Variants in DDX10 observed in about 807,000 individuals in gnomAD.
The protein encoded by DDX10 is DEAD-box helicase 10.
Under a neutral mutation model 104.3 loss-of-function variants are expected in DDX10, and 74 were observed. That is an observed-to-expected ratio of 0.71 (90% CI 0.59 to 0.86). The LOEUF is 0.86. Among genes scored for constraint, DDX10 ranks in the 40% least tolerant of loss-of-function variants. The pLI is 0.00. For missense variants in DDX10, 952 were observed against 1,040.0 expected, an observed-to-expected ratio of 0.92 and a Z score of 1.16; for synonymous variants, 351 against 353.4, an observed-to-expected ratio of 0.99 and a Z score of 0.08.
chr11:108,754,698 G>C (rs975665886), intron 13 of DDX10, among the ~76,000 whole-genome samples: 3 of 151,948 alleles, frequency 2.0e-5, no homozygotes, highest in African/African-American at 7.2e-5. Context: ...TGTACATCTA[G>C]AATCTATGGG....
At chr11:108,933,930 G>T (rs1163652896) in intron 17 of DDX10, among the ~76,000 whole-genome samples, 12 of 152,196 alleles carry the variant, frequency 7.9e-5, no homozygotes, top group Admixed American at 3.9e-4. Flanking sequence ...AAGCCCTTGG[G>T]TACCAAGGCA....
intron 16 of DDX10, among the ~76,000 whole-genome samples, chr11:108,868,549 G>A (rs929702430): frequency 6.6e-6 from 1 of 151,970 alleles, no homozygotes; most frequent in African/African-American, 2.4e-5. Flanking sequence ...TAAAATGATG[G>A]TCACAATCCA....
At chr11:108,719,681 A>AT (rs2094295858) in intron 11 of DDX10, 116 bp from the exon 12 acceptor site, 3 of 601,562 alleles carry the variant, frequency 5.0e-6, no homozygotes, top group African/African-American at 3.8e-5. Flanking sequence ...ATACTGAACT[A>AT]TTTCGTGGTT....
At chr11:108,794,832 CTT>C (rs969705921) in intron 13 of DDX10, among the ~76,000 whole-genome samples, 8 of 144,852 alleles carry the variant, frequency 5.5e-5, no homozygotes, top group Non-Finnish European at 7.6e-5. Flanking sequence ...CTCTCTCTCT[CTT>C]TTTTTTTTTT....
intron 13 of DDX10, among the ~76,000 whole-genome samples, chr11:108,754,709 T>C (rs920901845): frequency 2.6e-5 from 4 of 151,868 alleles, no homozygotes; most frequent in African/African-American, 9.7e-5. Context: ...AATCTATGGG[T>C]GATAGAAGGA....
At chr11:108,872,827 C>A (rs1019940549) in intron 16 of DDX10, among the ~76,000 whole-genome samples, 4 of 150,276 alleles carry the variant, frequency 2.7e-5, no homozygotes, top group Non-Finnish European at 5.9e-5. Context: ...CGTTCCCCCC[C>A]CCTCCCATTT....
intron 16 of DDX10, among the ~76,000 whole-genome samples, chr11:108,915,674 C>T (rs1191534160): frequency 6.6e-6 from 1 of 152,044 alleles, no homozygotes; most frequent in African/African-American, 2.4e-5. Flanking sequence ...TAACAAATTT[C>T]AAAAAGTTCA....
chr11:108,910,505 G>A (rs909712332), intron 16 of DDX10, among the ~76,000 whole-genome samples: 2 of 152,124 alleles, frequency 1.3e-5, no homozygotes, highest in Admixed American at 6.5e-5. Flanking sequence ...TAACCAGTCA[G>A]GTAACATTTC....
intron 11 of DDX10, among the ~76,000 whole-genome samples, chr11:108,717,776 C>T (rs1388170959): frequency 1.3e-5 from 2 of 152,178 alleles, no homozygotes; most frequent in African/African-American, 4.8e-5. Context: ...GTTTTACATG[C>T]GTTGTTACCT....
chr11:108,937,675 C>G (rs536046401), intron 17 of DDX10, among the ~76,000 whole-genome samples: 1 of 152,138 alleles, frequency 6.6e-6, no homozygotes, highest in South Asian at 2.1e-4. Flanking sequence ...ATGATTTTTT[C>G]TCTGTTGTAT....
intron 13 of DDX10, 129 bp downstream of exon 13, chr11:108,723,591 C>G: frequency 3.5e-6 from 3 of 865,494 alleles, no homozygotes; most frequent in Non-Finnish European, 5.2e-6. Flanking sequence ...TGAACTCTTC[C>G]TCCTTTCCCC....
chr11:108,677,258 C>T lies in DDX10; in HGVS notation c.537+15C>T. On this transcript the variant is annotated intron_variant, in intron 4 of 17. Transcript: ENST00000322536. Reference sequence around the variant, plus strand: ...TTGGTGGAAAGGTTTGTCCTTTTGTCTATGTCCTTCCTTTCCTTCTGTAAC... The same window carrying T: ...TTGGTGGAAAGGTTTGTCCTTTTGTTTATGTCCTTCCTTTCCTTCTGTAAC... 1 of 1,604,748 alleles carries T rather than the reference C, an allele frequency of 6.2e-7. No individual in the cohort carries two copies. Among genetic ancestry groups the T allele is most frequent in the Non-Finnish European group, 8.5e-7 (1 of 1,173,244 alleles).
chr11:108,767,016 G>A (rs889484989), intron 13 of DDX10, among the ~76,000 whole-genome samples: 1 of 152,154 alleles, frequency 6.6e-6, no homozygotes, highest in Non-Finnish European at 1.5e-5. Flanking sequence ...TTGGGGCAAG[G>A]GACTCTTCCA....
chr11:108,815,803 A>G (rs559355706), intron 13 of DDX10, among the ~76,000 whole-genome samples: 13 of 152,316 alleles, frequency 8.5e-5, no homozygotes, highest in African/African-American at 2.9e-4. Flanking sequence ...TTATATAGCT[A>G]AATTTTAGAC....
chr11:108,907,036 C>G (rs1863605129), intron 16 of DDX10, among the ~76,000 whole-genome samples: 1 of 152,214 alleles, frequency 6.6e-6, no homozygotes, highest in African/African-American at 2.4e-5. Flanking sequence ...TTCCGAAGAT[C>G]CTTCCGGTTT....
intron 17 of DDX10, among the ~76,000 whole-genome samples, chr11:108,925,132 T>G (rs556422570): frequency 6.6e-6 from 1 of 152,312 alleles, no homozygotes; most frequent in Non-Finnish European, 1.5e-5. Context: ...GAGAAACTCC[T>G]GAGGCAGATT....
intron 2 of DDX10, 101 bp downstream of exon 2, chr11:108,673,628 C>A: frequency 1.2e-6 from 1 of 818,180 alleles, no homozygotes; most frequent in Non-Finnish European, 2.0e-6. Flanking sequence ...CTTATTTTGG[C>A]AAATTTTGAT....
At chr11:108,701,154 T>C (rs1179900978) in intron 9 of DDX10, among the ~76,000 whole-genome samples, 1 of 152,126 alleles carries the variant, frequency 6.6e-6, no homozygotes, top group Non-Finnish European at 1.5e-5. Flanking sequence ...AAATCTAGTA[T>C]AGAATCGTCA....
intron 17 of DDX10, among the ~76,000 whole-genome samples, chr11:108,925,665 T>G (rs1863898944): frequency 6.6e-6 from 1 of 152,216 alleles, no homozygotes; most frequent in Non-Finnish European, 1.5e-5. Flanking sequence ...CTTTTAAAAT[T>G]TTTAGATTGT....
Sources: gnomAD v4.1 joint callset for allele counts (sites outside exome capture counted in the v4.1 genomes callset) on GRCh38, gnomAD v4.1.1 for gene constraint, MANE v1.5 for transcripts, NCBI Gene and HGNC (gene_info 2026-07-23, HGNC 2026-07-21) for gene names.